Variants in DTNB observed in about 807,000 individuals in gnomAD.
DTNB encodes the protein DTN-B.
A neutral mutation model predicts 90.7 loss-of-function variants in DTNB; 63 were observed. That is an observed-to-expected ratio of 0.69 (90% CI 0.57 to 0.86). The LOEUF (loss-of-function observed/expected upper bound fraction) is 0.86, where lower values mean the gene tolerates loss of function less well. Ranked by LOEUF, DTNB falls within the 40% of genes least tolerant of loss-of-function variation. The pLI, the probability that DTNB is intolerant of heterozygous loss-of-function variation, is 0.00. For synonymous variants in DTNB, 277 were observed against 286.7 expected (o/e 0.97, Z 0.34); for missense variants, 744 against 807.1 (o/e 0.92, Z 0.95).
intron 8 of DTNB, among the ~76,000 whole-genome samples, chr2:25,571,097 T>G: frequency 6.6e-6 from 1 of 152,238 alleles, no homozygotes; most frequent in Non-Finnish European, 1.5e-5. Context: ...CATCCTTCTA[T>G]GCTCAGGACA....
intron 15 of DTNB, among the ~76,000 whole-genome samples, chr2:25,420,123 C>T (rs761259602): frequency 6.6e-6 from 1 of 152,116 alleles, no homozygotes; most frequent in South Asian, 2.1e-4. Context: ...GATTCTGGTG[C>T]ATACAAGTCT....
chr2:25,596,214 T>G lies in DTNB; in HGVS notation c.475A>C (p.Asn159His), dbSNP rs371034857. ...AACTTGCTAAATATCATTAAGCCAT[T>G]GGAATCTGACATCTGGGAGAAAACA... ...RYVFSQMSDSNGLMIFSKFDQ... is the reference protein window; with the variant it reads ...RYVFSQMSDSHGLMIFSKFDQ... Residue 159 changes from asparagine (N) to histidine (H), a missense_variant, in exon 6 of 21, where the codon AAT (asparagine) becomes CAT (histidine). Transcript: ENST00000406818. 1.1e-4 allele frequency: 176 copies of G among 1,610,568 alleles called. No homozygotes were observed. Among genetic ancestry groups the G allele is most frequent in the Non-Finnish European group, 1.4e-4 (167 of 1,178,634 alleles).
rs568320397 is a variant in DTNB at position 25,583,222 on chromosome 2, G to C, written c.604-2396C>G. On this transcript the variant is annotated intron_variant, in intron 6 of 20. Transcript: ENST00000406818. Reference sequence around the variant, plus strand: ...AGATATCACCACTGCACTCCAGCCTGAGTGATGCAGTGAGATTCCGTCTCA... The same window carrying C: ...AGATATCACCACTGCACTCCAGCCTCAGTGATGCAGTGAGATTCCGTCTCA... 2.2e-5 allele frequency among the ~76,000 whole-genome samples: 3 copies of C among 139,082 alleles called. No homozygotes were observed. In the South Asian group the frequency reaches 6.8e-4, roughly 31 times the overall value. The allele number at this position is 139,082 out of a possible 152,430, so 91.2% of individuals were successfully genotyped here. A position where few individuals can be genotyped will look rare whatever the true frequency, so the allele number is the denominator to read the frequency against.
At chr2:25,607,563 T>C (rs2067408457) in intron 4 of DTNB, among the ~76,000 whole-genome samples, 1 of 152,202 alleles carries the variant, frequency 6.6e-6, no homozygotes, top group South Asian at 2.1e-4. Context: ...TTCTATGTAA[T>C]TTCTGTTGGC....
At chr2:25,663,075 C>A (rs1291923439) in intron 1 of DTNB, among the ~76,000 whole-genome samples, 4 of 152,008 alleles carry the variant, frequency 2.6e-5, no homozygotes, top group Non-Finnish European at 5.9e-5. Flanking sequence ...CCCCCACCCC[C>A]CAACAGGCCC....
chr2:25,457,423 AG>A (rs1459688975), intron 10 of DTNB, among the ~76,000 whole-genome samples: 1 of 152,146 alleles, frequency 6.6e-6, no homozygotes, highest in Non-Finnish European at 1.5e-5. Flanking sequence ...TCAGGATGCT[AG>A]GGTGCCCACT....
At chr2:25,499,772 C>T (rs899088982) in intron 9 of DTNB, among the ~76,000 whole-genome samples, 1 of 152,218 alleles carries the variant, frequency 6.6e-6, no homozygotes, top group African/African-American at 2.4e-5. Flanking sequence ...TCATCTCTGT[C>T]TTCATTGCAT....
intron 9 of DTNB, among the ~76,000 whole-genome samples, chr2:25,514,865 T>C (rs2074748932): frequency 6.6e-6 from 1 of 151,824 alleles, no homozygotes; most frequent in Non-Finnish European, 1.5e-5. Flanking sequence ...GTATTTTTAG[T>C]AGAGATGAGG....
At chr2:25,440,297 G>A (rs528809712) in intron 12 of DTNB, among the ~76,000 whole-genome samples, 1 of 152,354 alleles carries the variant, frequency 6.6e-6, no homozygotes, top group Non-Finnish European at 1.5e-5. Context: ...ATACGAGGAT[G>A]AAAAGAGGGT....
At chr2:25,653,474 G>GCTTTCTTTCTTT (rs1359482034) in intron 1 of DTNB, among the ~76,000 whole-genome samples, 8 of 112,244 alleles carry the variant, frequency 7.1e-5, no homozygotes, top group East Asian at 2.7e-4. Flanking sequence ...ACTGTTCAGA[G>GCTTTCTTTCTTT]CTTGCTTTCT....
At chr2:25,430,841 C>T (rs1366560042) in intron 14 of DTNB, among the ~76,000 whole-genome samples, 12 of 152,248 alleles carry the variant, frequency 7.9e-5, no homozygotes, top group East Asian at 3.9e-4. Flanking sequence ...GCTTCATATA[C>T]GTTTGTCGCA....
At chr2:25,560,370 T>C (rs1441774577) in intron 8 of DTNB, among the ~76,000 whole-genome samples, 2 of 152,246 alleles carry the variant, frequency 1.3e-5, no homozygotes, top group Non-Finnish European at 2.9e-5. Context: ...AACATTTATA[T>C]TGGTAGACTG....
At chr2:25,401,911 G>A (rs1027845929) in intron 16 of DTNB, among the ~76,000 whole-genome samples, 1 of 152,172 alleles carries the variant, frequency 6.6e-6, no homozygotes, top group African/African-American at 2.4e-5. Flanking sequence ...TTTTGCTGCC[G>A]TGTATTTAAA....
At chr2:25,500,559 C>T (rs1421608084) in intron 9 of DTNB, among the ~76,000 whole-genome samples, 1 of 152,114 alleles carries the variant, frequency 6.6e-6, no homozygotes, top group Non-Finnish European at 1.5e-5. Flanking sequence ...AGAAAAACCA[C>T]CTACCATTTC....
At chr2:25,535,032 GA>G (rs2079139842) in intron 8 of DTNB, among the ~76,000 whole-genome samples, 1 of 142,856 alleles carries the variant, frequency 7.0e-6, no homozygotes. Flanking sequence ...CCTCCCAGAC[GA>G]AGAGCGGCCG....
At chr2:25,450,415 CT>C (rs1258596048) in intron 12 of DTNB, among the ~76,000 whole-genome samples, 5 of 152,094 alleles carry the variant, frequency 3.3e-5, no homozygotes, top group Non-Finnish European at 7.4e-5. Flanking sequence ...TTTGTTCATC[CT>C]TTTGCCAGTA....
chr2:25,576,289 A>C (rs1048743442), intron 8 of DTNB, among the ~76,000 whole-genome samples: 1 of 144,056 alleles, frequency 6.9e-6, no homozygotes, highest in Non-Finnish European at 1.5e-5. Context: ...GCAGTGGCGC[A>C]ATCTCGGCTC....
At chr2:25,671,213 G>A (rs922263780) in intron 1 of DTNB, among the ~76,000 whole-genome samples, 11 of 152,154 alleles carry the variant, frequency 7.2e-5, no homozygotes, top group African/African-American at 2.7e-4. Flanking sequence ...TATAGGGTTT[G>A]GAATTAACTG....
intron 1 of DTNB, among the ~76,000 whole-genome samples, chr2:25,671,363 T>G (rs2085858390): frequency 1.3e-5 from 2 of 152,252 alleles, no homozygotes; most frequent in Admixed American, 1.3e-4. Context: ...CGTCAAAAAG[T>G]TGGTTTTAAA....
Sources: gnomAD v4.1 joint callset for allele counts (sites outside exome capture counted in the v4.1 genomes callset) on GRCh38, gnomAD v4.1.1 for gene constraint, MANE v1.5 for transcripts, NCBI Gene and HGNC (gene_info 2026-07-23, HGNC 2026-07-21) for gene names.